Variants in CACNA1H observed in about 807,000 individuals in gnomAD.
CACNA1H encodes the protein calcium voltage-gated channel subunit alpha1 H.
Under a neutral mutation model 192.5 loss-of-function variants are expected in CACNA1H, and 149 were observed. The ratio of observed to expected loss-of-function variants is 0.77; its 90% CI spans 0.68 to 0.89. CACNA1H has a LOEUF of 0.89. Ranked by LOEUF, CACNA1H falls within the 40% of genes least tolerant of loss-of-function variation. CACNA1H has a pLI of 0.00. For synonymous variants in CACNA1H, 2,202 were observed against 1,475.2 expected (o/e 1.49, Z -11.29); for missense variants, 4,257 against 3,423.5 (o/e 1.24, Z -6.08).
intron 2 of CACNA1H, among the ~76,000 whole-genome samples, chr16:1,184,473 C>T (rs559208082): frequency 1.6e-4 from 25 of 152,348 alleles, no homozygotes; most frequent in East Asian, 7.7e-4. Flanking sequence ...CATCACCTGC[C>T]GGCCTGGGCT....
At chr16:1,172,423 G>GCGC (rs1964458719) in intron 2 of CACNA1H, among the ~76,000 whole-genome samples, 1 of 151,966 alleles carries the variant, frequency 6.6e-6, no homozygotes, top group Non-Finnish European at 1.5e-5. Flanking sequence ...GACGGTGGCA[G>GCGC]CGCGGCTGCC....
rs1363499903 is a variant in CACNA1H at position 1,201,707 on chromosome 16, C to A, written c.1257C>A (p.Ala419=). ...TCAACCTGTGCCTGGTGGTGATTGC[C>A]ACGCAGTTCTCGGAGACGAAGCAGC... ...FMINLCLVVI[A]TQFSETKQRE... is the part of the protein sequence containing the mutation. The change falls in exon 9 of 35, where the codon GCC becomes GCA. Residue 419 remains alanine (A), a synonymous_variant. Transcript: ENST00000348261. 6.2e-7 allele frequency: 1 copy of A among 1,609,120 alleles called. No individual in the cohort carries two copies. Among genetic ancestry groups the A allele is most frequent in the South Asian group, 1.1e-5 (1 of 90,734 alleles).
Position 1,211,271 on chromosome 16 carries a change from A to T in CACNA1H, c.4327A>T (p.Ile1443Phe). 1 of 1,612,924 alleles carries T rather than the reference A, an allele frequency of 6.2e-7. No homozygotes were observed. Among genetic ancestry groups the T allele is most frequent in the African/African-American group, 1.3e-5 (1 of 75,008 alleles). Residue 1443 changes from isoleucine to phenylalanine, a missense_variant, in exon 22 of 35, where the codon ATT becomes TTT. Ile to Phe is a conservative substitution (Grantham distance 21). Transcript: ENST00000348261. ...IVLICCAFFI[I>F]FGILGVQLFK... is the part of the protein sequence containing the mutation. ...CCTCATCTGCTGCGCCTTCTTCATC[A>T]TTTTTGGCATTTTGGGTGTGCAGGT...
rs904060362 is a variant in CACNA1H at position 1,218,610 on chromosome 16, A to C, written c.5846A>C (p.Gln1949Pro). The C allele has an allele frequency of 6.4e-7, 1 of 1,563,564 alleles. No homozygotes were observed. Among genetic ancestry groups the C allele is most frequent in the South Asian group, 1.2e-5 (1 of 84,910 alleles). Reference sequence around the variant, plus strand: ...TCGGCGCCCCACCCCCGCCCGCTGCAGGAGGTGGAGATGGAGACCTATGGG... The same window carrying C: ...TCGGCGCCCCACCCCCGCCCGCTGCCGGAGGTGGAGATGGAGACCTATGGG... The part of the protein sequence containing the change: ...PASAPHPRPL[Q>P]EVEMETYGAG... The change falls in exon 33 of 35, where the codon CAG (glutamine) becomes CCG (proline). Residue 1949 changes from glutamine to proline, a missense_variant. Gln to Pro is a moderately conservative substitution (Grantham distance 76). Transcript: ENST00000348261.
chr16:1,170,193 GTCCCAAC>G (rs1413057661), intron 2 of CACNA1H, among the ~76,000 whole-genome samples: 1 of 152,122 alleles, frequency 6.6e-6, no homozygotes, highest in African/African-American at 2.4e-5. Flanking sequence ...ACCCGGGTGT[GTCCCAAC>G]TGCAGGGTTA....
Position 1,210,405 on chromosome 16 carries a change from A to C in CACNA1H, c.3881A>C (p.Lys1294Thr), listed in dbSNP as rs1158631923. The change falls in exon 19 of 35, where the codon AAG (lysine) becomes ACG (threonine). Residue 1294 changes from lysine (K) to threonine (T), a missense_variant. Physicochemically the swap from Lys to Thr is moderately conservative, Grantham distance 78. Transcript: ENST00000348261. ...TCCTGCCAGAAGGTCATCACACACA[A>C]GATGTTTGATCACGTGGTCCTCGTC... is the stretch of plus-strand genomic sequence containing the variant. ...RVSCQKVITHKMFDHVVLVFI... is the reference protein window; with the variant it reads ...RVSCQKVITHTMFDHVVLVFI... 3 of 1,598,578 alleles carry C rather than the reference A, an allele frequency of 1.9e-6. No individual in the cohort carries two copies. The highest frequency in any genetic ancestry group is 2.6e-6 in the Non-Finnish European group (3 of 1,174,538).
chr16:1,217,819 C>G, intron 31 of CACNA1H, 100 bp from the exon 32 acceptor site: 2 of 1,425,424 alleles, frequency 1.4e-6, no homozygotes, highest in Non-Finnish European at 1.9e-6. Flanking sequence ...CCGGGCTATC[C>G]TGCCTCTGGG....
intron 2 of CACNA1H, among the ~76,000 whole-genome samples, chr16:1,188,827 C>T (rs1966318008): frequency 6.6e-6 from 1 of 152,234 alleles, no homozygotes. Context: ...TAACCCCGGC[C>T]CTCCCAGCCC....
At chr16:1,172,159 G>A (rs1964430575) in intron 2 of CACNA1H, among the ~76,000 whole-genome samples, 1 of 152,192 alleles carries the variant, frequency 6.6e-6, no homozygotes, top group Non-Finnish European at 1.5e-5. Context: ...CACACGGTGG[G>A]TGTCAGGGGC....
intron 31 of CACNA1H, among the ~76,000 whole-genome samples, chr16:1,217,495 G>A (rs541078800): frequency 2.6e-5 from 4 of 152,138 alleles, no homozygotes; most frequent in Admixed American, 1.3e-4. Flanking sequence ...TGCCCCTGCC[G>A]GGTTCCACTT....
chr16:1,196,165 C>G, intron 5 of CACNA1H, 142 bp downstream of exon 5: 1 of 666,984 alleles, frequency 1.5e-6, no homozygotes. Context: ...CAGACCCCAG[C>G]AGTGGGGTGG....
chr16:1,189,772 T>C (rs938373369), intron 2 of CACNA1H, among the ~76,000 whole-genome samples: 3 of 151,988 alleles, frequency 2.0e-5, no homozygotes, highest in African/African-American at 7.2e-5. Context: ...ATGGGTACTG[T>C]GCCTGAGGAG....
chr16:1,207,432 TGAGGGGGCAGGGA>T lies in CACNA1H; in HGVS notation c.3063+9_3063+21del. ...CTCGTGGAGGGCTTCCAGGCGGAGGTGAGGGGGCAGGGAGAGGGGCTGCCAGGAGGAGGGCGAT... is the reference window on the plus strand; with the variant it reads ...CTCGTGGAGGGCTTCCAGGCGGAGGTGAGGGGCTGCCAGGAGGAGGGCGAT... On this transcript the variant is annotated splice_donor_5th_base_variant and intron_variant, in intron 14 of 34. Transcript: ENST00000348261. 1.2e-6 allele frequency: 2 copies of T among 1,609,602 alleles called. No homozygotes were observed. Among genetic ancestry groups the T allele is most frequent in the Non-Finnish European group, 1.7e-6 (2 of 1,178,886 alleles).
At chr16:1,156,566 G>A (rs1039249198) in intron 2 of CACNA1H, among the ~76,000 whole-genome samples, 1 of 152,028 alleles carries the variant, frequency 6.6e-6, no homozygotes, top group African/African-American at 2.4e-5. Flanking sequence ...TGGTGTGGCT[G>A]GGGTGTGTCC....
chr16:1,163,133 G>A (rs1192331096), intron 2 of CACNA1H, among the ~76,000 whole-genome samples: 1 of 152,228 alleles, frequency 6.6e-6, no homozygotes, highest in Admixed American at 6.5e-5. Context: ...GTAGGTGTGG[G>A]CCAGTCTGCC....
rs1047764685 is a variant in CACNA1H at position 1,200,561 on chromosome 16, C to T, written c.1109C>T (p.Ala370Val). The change falls in exon 7 of 35, where the codon GCC becomes GTC. Residue 370 changes from alanine (A) to valine (V), a missense_variant. Coordinates refer to ENST00000348261, the MANE Select transcript of CACNA1H (RefSeq NM_021098.3). ...NFDNIGYAWI[A>V]IFQVITLEGW... Reference sequence around the variant, plus strand: ...GACAACATCGGCTACGCCTGGATTGCCATCTTCCAGGTGGGCGGCAAGATG... The same window carrying T: ...GACAACATCGGCTACGCCTGGATTGTCATCTTCCAGGTGGGCGGCAAGATG... The T allele has an allele frequency of 6.8e-6, 11 of 1,611,628 alleles. No homozygotes were observed. The highest frequency in any genetic ancestry group is 9.3e-6 in the Non-Finnish European group (11 of 1,179,630).
intron 16 of CACNA1H, 92 bp from the exon 17 acceptor site, chr16:1,208,940 A>G: frequency 1.6e-6 from 2 of 1,279,232 alleles, no homozygotes; most frequent in Non-Finnish European, 2.0e-6. Flanking sequence ...TAAATGATCC[A>G]CGTGTGGCTT....
Position 1,221,746 on chromosome 16 carries a change from T to G in CACNA1H, c.*752T>G. 1 of 1,548,806 alleles carries G rather than the reference T, an allele frequency of 6.5e-7. No individual in the cohort carries two copies. Among genetic ancestry groups the G allele is most frequent in the Non-Finnish European group, 8.7e-7 (1 of 1,144,632 alleles). On this transcript the variant is annotated 3_prime_UTR_variant, in exon 35 of 35. Transcript: ENST00000348261. ...GGGAGAGGGAGGGGGCGGAGCGGAA[T>G]AAATAGTAACTTATTTAAGAAATGC... is the stretch of plus-strand genomic sequence containing the variant.
chr16:1,160,735 C>T (rs1392648871), intron 2 of CACNA1H, among the ~76,000 whole-genome samples: 1 of 152,172 alleles, frequency 6.6e-6, no homozygotes, highest in Admixed American at 6.5e-5. Context: ...GATGAATGTG[C>T]TCCACGAGGC....
Sources: allele counts gnomAD v4.1 joint callset (sites outside exome capture counted in the v4.1 genomes callset), GRCh38; gene constraint gnomAD v4.1.1; transcripts MANE v1.5; gene names NCBI Gene and HGNC (gene_info 2026-07-23, HGNC 2026-07-21).